LOXHD1: variants seen among roughly 807,000 people sequenced by gnomAD.
LOXHD1 encodes the protein lipoxygenase homology domain-containing protein 1.
In LOXHD1, 205 loss-of-function variants were observed where a neutral mutation model predicts 248.2. The ratio of observed to expected loss-of-function variants is 0.83; its 90% confidence interval spans 0.74 to 0.93. The LOEUF is 0.93. LOXHD1 is among the 40% of genes least tolerant of loss of function. The pLI is 0.00. For synonymous variants in LOXHD1, 1,113 were observed against 1,162.8 expected (o/e 0.96, Z 0.87); for missense variants, 2,930 against 2,971.6 (o/e 0.99, Z 0.33).
chr18:46,542,710 G>A lies in LOXHD1; in HGVS notation c.3748+17C>T, dbSNP rs947993437. ...CCTTAAAGTCTTAGCAAGGAACAGAGGGGAGGGAAGCCACACCTGTGTTGT... is the reference window on the plus strand; with the variant it reads ...CCTTAAAGTCTTAGCAAGGAACAGAAGGGAGGGAAGCCACACCTGTGTTGT... On this transcript the variant is annotated intron_variant, in intron 24 of 40. Transcript: ENST00000642948. 5.0e-5 allele frequency: 77 copies of A among 1,551,320 alleles called. No homozygotes were observed. The highest frequency in any genetic ancestry group is 6.5e-5 in the Non-Finnish European group (75 of 1,146,970).
At chr18:46,594,961 T>C (rs328143) in intron 8 of LOXHD1, among the ~76,000 whole-genome samples, 116,114 of 152,110 alleles carry the variant, frequency 0.76, 45,470 homozygotes, top group Non-Finnish European at 0.86. Flanking sequence ...CCATGGATTT[T>C]GAACACTCAC....
chr18:46,579,797 G>C lies in LOXHD1; in HGVS notation c.1655-13C>G, dbSNP rs375008635. ...TGGTACCGGGCCACTGGCAGGCAGAGAGAGGGACATCATTGCTGACAGCCC... is the reference window on the plus strand; with the variant it reads ...TGGTACCGGGCCACTGGCAGGCAGACAGAGGGACATCATTGCTGACAGCCC... On this transcript the variant is annotated splice_polypyrimidine_tract_variant and intron_variant, in intron 12 of 40. Transcript: ENST00000642948. 23 of 1,549,744 alleles carry C rather than the reference G, an allele frequency of 1.5e-5. No homozygotes were observed. The African/African-American group carries it at 2.1e-4, about 14-fold the overall frequency.
At chr18:46,607,338 C>CATGT (rs1265484032) in intron 6 of LOXHD1, among the ~76,000 whole-genome samples, 2 of 149,378 alleles carry the variant, frequency 1.3e-5, no homozygotes, top group Non-Finnish European at 3.0e-5. Flanking sequence ...TGCATATATA[C>CATGT]ATGTACATAT....
At chr18:46,556,790 C>G (rs1000697169) in intron 21 of LOXHD1, 1 of 196,640 alleles carries the variant, frequency 5.1e-6, no homozygotes, top group African/African-American at 2.4e-5. Flanking sequence ...TCAGACATCA[C>G]AGCCAGCCCA....
intron 2 of LOXHD1, among the ~76,000 whole-genome samples, chr18:46,645,919 A>G (rs328175): frequency 0.79 from 120,060 of 152,082 alleles, 47,454 homozygotes; most frequent in East Asian, 0.9. Flanking sequence ...ATGAGACATG[A>G]CGAGAGATCA....
At chr18:46,490,374 T>G (rs1023233375) in intron 37 of LOXHD1, among the ~76,000 whole-genome samples, 1 of 152,224 alleles carries the variant, frequency 6.6e-6, no homozygotes, top group Non-Finnish European at 1.5e-5. Context: ...AAAAAGTACT[T>G]CTTACGTTTT....
At chr18:46,548,249 T>C (rs9961324) in intron 21 of LOXHD1, among the ~76,000 whole-genome samples, 81,253 of 131,084 alleles carry the variant, frequency 0.62, 22,806 homozygotes, top group Non-Finnish European at 0.71. Context: ...CCTCTTTATG[T>C]CCCTTCCCCA....
chr18:46,563,271 C>T (rs370208519), intron 17 of LOXHD1, 46 bp from the exon 18 acceptor site: 4 of 1,440,418 alleles, frequency 2.8e-6, no homozygotes. Flanking sequence ...GTAATAATAA[C>T]AATAACAATG....
rs138414969 is a variant in LOXHD1, at chr18:46,487,975, G to A, written c.6049+997C>T. On this transcript the variant is annotated intron_variant, in intron 38 of 40. Transcript: ENST00000642948. ...TGAAATTTTCTGTTTGACTCCATTGGGACTACCAAAGGAGGGATGCTTCAA... is the reference window on the plus strand; with the variant it reads ...TGAAATTTTCTGTTTGACTCCATTGAGACTACCAAAGGAGGGATGCTTCAA... Among the ~76,000 whole-genome samples, 191 of 152,228 alleles carry A rather than the reference G, an allele frequency of 1.3e-3. 6 individuals carry two copies. The East Asian group carries it at 0.032, about 25-fold the overall frequency.
intron 6 of LOXHD1, among the ~76,000 whole-genome samples, chr18:46,610,219 T>C (rs1260283453): frequency 6.6e-6 from 1 of 152,130 alleles, no homozygotes; most frequent in Non-Finnish European, 1.5e-5. Context: ...CTGGGCTTCC[T>C]GTAAAAAAGG....
chr18:46,648,225 T>A lies in LOXHD1; in HGVS notation c.245+930A>T, dbSNP rs532852467. On this transcript the variant is annotated intron_variant, in intron 2 of 40. Coordinates refer to ENST00000642948, the MANE Select transcript of LOXHD1 (RefSeq NM_001384474.1). ...GTCAGTTGAGATTGCACCACCGCAC[T>A]CCAGCCTGGGCGACAGAGCGAGACT... Among the ~76,000 whole-genome samples, 227 of 152,126 alleles carry A rather than the reference T, an allele frequency of 1.5e-3. No homozygotes were observed. In the Middle Eastern group the frequency reaches 0.02, roughly 14 times the overall value.
intron 9 of LOXHD1, among the ~76,000 whole-genome samples, chr18:46,594,130 C>A (rs1261904183): frequency 6.6e-6 from 1 of 152,076 alleles, no homozygotes; most frequent in Non-Finnish European, 1.5e-5. Flanking sequence ...AGCCTTGGTG[C>A]CAGGGGTGTG....
intron 3 of LOXHD1, 54 bp from the exon 4 acceptor site, chr18:46,639,854 C>T (rs942535181): frequency 1.3e-6 from 2 of 1,541,172 alleles, no homozygotes; most frequent in Non-Finnish European, 8.8e-7. Context: ...AACAGCACCC[C>T]TTCCATACTG....
rs932960512 is a variant in LOXHD1, at chr18:46,560,487, C to T, written c.2657G>A (p.Gly886Asp). Residue 886 changes from glycine (G) to aspartate (D), a missense_variant, in exon 19 of 41, where the codon GGC becomes GAC. By Grantham distance (94) the Gly-to-Asp change is moderately conservative (BLOSUM62 -1). Coordinates refer to ENST00000642948, the MANE Select transcript of LOXHD1 (RefSeq NM_001384474.1). ...GTCCACGAACCAGCTGGGCCCAAAG[C>T]CCTCGCCCGTGTGCCCGAGCCGGAG... ...YKLRLGHTGE[G>D]FGPSWFVDTV... 7 of 1,538,734 alleles carry T rather than the reference C, an allele frequency of 4.5e-6. No homozygotes were observed. The African/African-American group carries it at 6.8e-5, about 15-fold the overall frequency.
At chr18:46,493,198 T>C (rs780278057) in intron 37 of LOXHD1, among the ~76,000 whole-genome samples, 55 of 152,234 alleles carry the variant, frequency 3.6e-4, no homozygotes, top group Non-Finnish European at 7.2e-4. Context: ...TACCATTCTG[T>C]CTGTTTGGAA....
intron 33 of LOXHD1, among the ~76,000 whole-genome samples, chr18:46,519,332 A>G (rs2035446360): frequency 6.6e-6 from 1 of 152,126 alleles, no homozygotes; most frequent in Non-Finnish European, 1.5e-5. Context: ...CCTGGTCCCC[A>G]TTACCCAGAA....
chr18:46,590,801 G>A (rs2038152417), intron 12 of LOXHD1, among the ~76,000 whole-genome samples: 1 of 152,052 alleles, frequency 6.6e-6, no homozygotes, highest in African/African-American at 2.4e-5. Flanking sequence ...TGTAACCATG[G>A]CAAGAACGTC....
rs2038334177 is a variant in LOXHD1, at chr18:46,601,322, G to A, written c.1029C>T (p.Arg343=). The change falls in exon 8 of 41, where the codon CGC becomes CGT. Residue 343 remains arginine (R), a synonymous_variant. Coordinates refer to ENST00000642948, the MANE Select transcript of LOXHD1 (RefSeq NM_001384474.1). ...CCAGCTCGATGTGGAAGATGTCCGT[G>A]CGGCCTCGGTCAAACACGCCGCCCT... ...FLEGGVFDRG[R]TDIFHIELAV... is the part of the protein sequence containing the mutation. 3.2e-6 allele frequency: 5 copies of A among 1,551,584 alleles called. No individual in the cohort carries two copies. Among genetic ancestry groups the A allele is most frequent in the African/African-American group, 1.4e-5 (1 of 73,022 alleles).
intron 34 of LOXHD1, among the ~76,000 whole-genome samples, chr18:46,517,547 G>A (rs2035321165): frequency 6.6e-6 from 1 of 152,150 alleles, no homozygotes; most frequent in Non-Finnish European, 1.5e-5. Context: ...ATAAATGTTA[G>A]TGTTGCTGTT....
Sources: allele counts gnomAD v4.1 joint callset (sites outside exome capture counted in the v4.1 genomes callset), GRCh38; gene constraint gnomAD v4.1.1; transcripts MANE v1.5; gene names NCBI Gene and HGNC (gene_info 2026-07-23, HGNC 2026-07-21).